The following PTPRD variants were observed in gnomAD, a reference collection of about 807,000 sequenced individuals.
The protein encoded by PTPRD is protein tyrosine phosphatase receptor type D, also known as receptor-type tyrosine-protein phosphatase delta.
In PTPRD, 34 loss-of-function variants were observed where a neutral mutation model predicts 214.5. The ratio of observed to expected loss-of-function variants is 0.16; its 90% CI spans 0.12 to 0.21. The LOEUF (loss-of-function observed/expected upper bound fraction) is 0.21. Among genes scored for constraint, PTPRD ranks in the 10% least tolerant of loss-of-function variants. The pLI, the probability that PTPRD is intolerant of heterozygous loss-of-function variation, is 1.00. For synonymous variants in PTPRD, 1,128 were observed against 845.7 expected (o/e 1.33, Z -5.79); for missense variants, 2,545 against 2,398.7 (o/e 1.06, Z -1.27).
In PTPRD at chr9:8,719,885, A is replaced by G. The variant is rs139450551; in HGVS notation, c.64+13895T>C. On this transcript the variant is annotated intron_variant, in intron 12 of 45. Transcript: ENST00000381196. ...AAGAAAAAAAAAAAACCTTGCATTT[A>G]AAAGTGTGTTATCTAGAATACCATC... is the stretch of plus-strand genomic sequence containing the variant. Among the ~76,000 whole-genome samples, 9 of 152,370 alleles carry G rather than the reference A, an allele frequency of 5.9e-5. No homozygotes were observed. The East Asian group carries it at 1.7e-3, about 29-fold the overall frequency.
chr9:8,545,214 C>T (rs1044393791), intron 14 of PTPRD, among the ~76,000 whole-genome samples: 1 of 152,182 alleles, frequency 6.6e-6, no homozygotes, highest in Admixed American at 6.5e-5. Flanking sequence ...CATTTCCCAA[C>T]ATCATGGATA....
At chr9:9,619,828 TTA>T (rs993752979) in intron 7 of PTPRD, among the ~76,000 whole-genome samples, 12 of 147,542 alleles carry the variant, frequency 8.1e-5, no homozygotes, top group Non-Finnish European at 1.5e-4. Context: ...TATTTAATCT[TTA>T]TATATGTTAG....
intron 9 of PTPRD, among the ~76,000 whole-genome samples, chr9:9,260,779 C>A (rs560404135): frequency 9.2e-5 from 14 of 151,858 alleles, no homozygotes; most frequent in Non-Finnish European, 1.6e-4. Context: ...CATGTACTCA[C>A]TGACAATCAC....
chr9:10,050,094 T>C (rs1055641396), intron 3 of PTPRD, among the ~76,000 whole-genome samples: 2 of 152,090 alleles, frequency 1.3e-5, no homozygotes, highest in Non-Finnish European at 2.9e-5. Context: ...AAAATAAATA[T>C]CTGTCGAATT....
Position 8,845,182 on chromosome 9 carries a change from A to AAAC in PTPRD, c.-103-111237_-103-111236insGTT, listed in dbSNP as rs59559648. Among the ~76,000 whole-genome samples the AAAC allele has an allele frequency of 1.4e-3, 179 of 124,302 alleles. 2 individuals are homozygous for AAAC. The highest frequency in any genetic ancestry group is 2.2e-3 in the Admixed American group (26 of 11,722). The allele number at this position is 124,302 out of a possible 152,430, so 81.5% of individuals were successfully genotyped here. On this transcript the variant is annotated intron_variant, in intron 11 of 45. Coordinates refer to ENST00000381196, the MANE Select transcript of PTPRD (RefSeq NM_002839.4). ...ATCCTTGCAGGAAAAAAAAACAAAAACAAAAAAAAACACACAATTCTGTGT... is the reference window on the plus strand; with the variant it reads ...ATCCTTGCAGGAAAAAAAAACAAAAAAACCAAAAAAAAACACACAATTCTGTGT...
At chr9:10,530,052 C>A (rs2055707914) in intron 2 of PTPRD, among the ~76,000 whole-genome samples, 1 of 151,986 alleles carries the variant, frequency 6.6e-6, no homozygotes, top group African/African-American at 2.4e-5. Flanking sequence ...GCACATGTAT[C>A]CCAGAACTTA....
chr9:9,727,706 T>C (rs1306915205), intron 7 of PTPRD, among the ~76,000 whole-genome samples: 1 of 152,154 alleles, frequency 6.6e-6, no homozygotes, highest in Non-Finnish European at 1.5e-5. Context: ...TAAACACTGG[T>C]AGTCCTTCTG....
chr9:10,486,643 T>C (rs940637739), intron 2 of PTPRD, among the ~76,000 whole-genome samples: 2 of 152,212 alleles, frequency 1.3e-5, no homozygotes, highest in African/African-American at 4.8e-5. Context: ...TGATTTCTAG[T>C]TTTACTCCAT....
chr9:9,844,013 A>G (rs1324694542), intron 5 of PTPRD, among the ~76,000 whole-genome samples: 1 of 151,994 alleles, frequency 6.6e-6, no homozygotes, highest in East Asian at 1.9e-4. Context: ...CAGGTGTTCT[A>G]GTGCTGTAGT....
intron 9 of PTPRD, among the ~76,000 whole-genome samples, chr9:9,387,029 T>C (rs1179624263): frequency 6.6e-6 from 1 of 152,166 alleles, no homozygotes; most frequent in Non-Finnish European, 1.5e-5. Context: ...CAGAGGGACT[T>C]TGATGTGAGT....
intron 11 of PTPRD, among the ~76,000 whole-genome samples, chr9:8,929,681 T>TTATATATGTGTATATA (rs1567059333): frequency 8.3e-6 from 1 of 119,768 alleles, no homozygotes; most frequent in Non-Finnish European, 1.7e-5. Flanking sequence ...AGGTTTTCTT[T>TTATATATGTGTATATA]TATATATGTG....
At chr9:9,362,230 G>A (rs1184329397) in intron 9 of PTPRD, among the ~76,000 whole-genome samples, 3 of 150,992 alleles carry the variant, frequency 2.0e-5, no homozygotes, top group Admixed American at 6.6e-5. Flanking sequence ...TATTTCTATA[G>A]TATTTCCTCA....
At chr9:9,126,838 A>C (rs772589152) in intron 10 of PTPRD, among the ~76,000 whole-genome samples, 1 of 152,180 alleles carries the variant, frequency 6.6e-6, no homozygotes, top group African/African-American at 2.4e-5. Context: ...TTTATTTGAC[A>C]ATAATTTGTA....
intron 3 of PTPRD, among the ~76,000 whole-genome samples, chr9:10,243,819 C>T (rs1451802568): frequency 1.3e-5 from 2 of 151,994 alleles, no homozygotes; most frequent in Admixed American, 1.3e-4. Context: ...GAACCTTTAT[C>T]CTCCCAAACC....
At chr9:10,529,756 G>A (rs1399230607) in intron 2 of PTPRD, among the ~76,000 whole-genome samples, 2 of 151,204 alleles carry the variant, frequency 1.3e-5, no homozygotes, top group African/African-American at 2.4e-5. Flanking sequence ...CTTTTGCAGG[G>A]ACATGGATGA....
At chr9:9,621,908 G>C (rs930788768) in intron 7 of PTPRD, among the ~76,000 whole-genome samples, 1 of 152,050 alleles carries the variant, frequency 6.6e-6, no homozygotes, top group Non-Finnish European at 1.5e-5. Flanking sequence ...CCTCTTGAAG[G>C]CTTCTAAAAT....
At chr9:8,340,210 A>G in intron 42 of PTPRD, 133 bp downstream of exon 42, 1 of 1,030,290 alleles carries the variant, frequency 9.7e-7, no homozygotes, top group Non-Finnish European at 1.3e-6. Flanking sequence ...ACAAGGAATG[A>G]TGGTCCGGAT....
At chr9:10,337,520 G>T (rs1281445475) in intron 3 of PTPRD, among the ~76,000 whole-genome samples, 2 of 151,672 alleles carry the variant, frequency 1.3e-5, no homozygotes, top group African/African-American at 2.4e-5. Flanking sequence ...TATGGAGGTT[G>T]TGCTCTAACA....
At chr9:9,575,731 A>G (rs1310331790) in intron 7 of PTPRD, among the ~76,000 whole-genome samples, 2 of 142,452 alleles carry the variant, frequency 1.4e-5, no homozygotes, top group East Asian at 4.0e-4. Context: ...AAAAAAAAAA[A>G]AAAAAAAAAA....
Sources: allele counts gnomAD v4.1 joint callset (sites outside exome capture counted in the v4.1 genomes callset), GRCh38; gene constraint gnomAD v4.1.1; transcripts MANE v1.5; gene names NCBI Gene and HGNC (gene_info 2026-07-23, HGNC 2026-07-21).